Variants in RBFOX1 observed in about 807,000 individuals in gnomAD.
RBFOX1 encodes the protein RNA binding fox-1 homolog 1.
In RBFOX1, 8 loss-of-function variants were observed where a neutral mutation model predicts 57.7. That is an observed-to-expected ratio of 0.14 (90% CI 0.08 to 0.25). RBFOX1 has a LOEUF of 0.25. RBFOX1 is among the 10% of genes least tolerant of loss of function. The pLI is 1.00. For missense variants in RBFOX1, 611 were observed against 548.5 expected (o/e 1.11, Z -1.14); for synonymous variants, 326 against 222.4 (o/e 1.47, Z -4.15).
At chr16:7,248,061 A>G (rs973347358) in intron 4 of RBFOX1, among the ~76,000 whole-genome samples, 3 of 152,244 alleles carry the variant, frequency 2.0e-5, no homozygotes, top group Non-Finnish European at 2.9e-5. Context: ...CCTTAAAAAA[A>G]TAGAATATGG....
intron 13 of RBFOX1, chr16:7,671,463 T>C: frequency 2.4e-6 from 3 of 1,230,372 alleles, no homozygotes; most frequent in Non-Finnish European, 3.5e-6. Flanking sequence ...AGCAAACTTG[T>C]AAATGAATTG....
At chr16:5,471,091 C>T (rs1385318747) in intron 2 of RBFOX1, among the ~76,000 whole-genome samples, 1 of 152,134 alleles carries the variant, frequency 6.6e-6, no homozygotes, top group Non-Finnish European at 1.5e-5. Context: ...GCCTCGGTCT[C>T]CCAAAGTGCT....
chr16:7,647,434 C>T (rs1417494003), intron 11 of RBFOX1, among the ~76,000 whole-genome samples: 1 of 151,900 alleles, frequency 6.6e-6, no homozygotes, highest in Non-Finnish European at 1.5e-5. Context: ...TTCTTGTTTC[C>T]CTCATGCCAA....
intron 1 of RBFOX1, among the ~76,000 whole-genome samples, chr16:5,350,633 A>C (rs937867481): frequency 2.6e-5 from 4 of 152,320 alleles, no homozygotes; most frequent in Non-Finnish European, 5.9e-5. Flanking sequence ...TGGGAGGCCA[A>C]AGCGGGCGGA....
At chr16:6,254,459 G>A (rs1345838500) in intron 1 of RBFOX1, among the ~76,000 whole-genome samples, 1 of 152,178 alleles carries the variant, frequency 6.6e-6, no homozygotes, top group Non-Finnish European at 1.5e-5. Flanking sequence ...CAAAGGCAGA[G>A]TAGCAGAGTG....
chr16:7,558,136 T>C (rs1307807913), intron 5 of RBFOX1, among the ~76,000 whole-genome samples: 4 of 152,088 alleles, frequency 2.6e-5, no homozygotes, highest in Non-Finnish European at 4.4e-5. Context: ...GGTAGATCAC[T>C]GGAACCCAGG....
At chr16:5,913,692 A>T (rs994432289) in intron 4 of RBFOX1, among the ~76,000 whole-genome samples, 1 of 152,232 alleles carries the variant, frequency 6.6e-6, no homozygotes, top group Non-Finnish European at 1.5e-5. Flanking sequence ...ACAGGCTAAC[A>T]CAGGTGTATC....
intron 3 of RBFOX1, among the ~76,000 whole-genome samples, chr16:6,849,611 G>A (rs1170666570): frequency 6.6e-6 from 1 of 152,208 alleles, no homozygotes; most frequent in Admixed American, 6.5e-5. Flanking sequence ...GGAGGTTTCA[G>A]TGAGCTGAGA....
chr16:6,713,262 G>A (rs553853541), intron 3 of RBFOX1, among the ~76,000 whole-genome samples: 1 of 69,462 alleles, frequency 1.4e-5, no homozygotes, highest in South Asian at 4.3e-4. Context: ...TATCATACCT[G>A]GGTTTTTGTT....
chr16:6,722,120 G>A (rs574299110), intron 3 of RBFOX1, among the ~76,000 whole-genome samples: 17 of 152,192 alleles, frequency 1.1e-4, no homozygotes, highest in South Asian at 4.1e-4. Flanking sequence ...CGGTTGCACA[G>A]ATATCTCTCT....
chr16:5,794,203 G>C (rs963090211), intron 3 of RBFOX1, among the ~76,000 whole-genome samples: 3 of 152,116 alleles, frequency 2.0e-5, no homozygotes, highest in African/African-American at 7.2e-5. Context: ...ACTGAGCATT[G>C]CATGGAAACG....
chr16:6,652,339 T>C (rs2154084938), intron 2 of RBFOX1, among the ~76,000 whole-genome samples: 1 of 152,090 alleles, frequency 6.6e-6, no homozygotes, highest in African/African-American at 2.4e-5. Context: ...TCCCAGCTAC[T>C]CGGGAGGCTG....
intron 2 of RBFOX1, among the ~76,000 whole-genome samples, chr16:5,494,267 C>T (rs773869406): frequency 1.3e-5 from 2 of 152,200 alleles, no homozygotes; most frequent in Non-Finnish European, 2.9e-5. Flanking sequence ...TCTAGACATT[C>T]GGATTCCAGT....
At chr16:6,636,774 A>AT (rs1567981257) in intron 2 of RBFOX1, among the ~76,000 whole-genome samples, 2 of 9,044 alleles carry the variant, frequency 2.2e-4, no homozygotes, top group Non-Finnish European at 2.6e-3. Flanking sequence ...TATAATATAT[A>AT]ATATATATAA....
At chr16:6,464,086 G>C (rs2094984199) in intron 2 of RBFOX1, among the ~76,000 whole-genome samples, 1 of 152,130 alleles carries the variant, frequency 6.6e-6, no homozygotes, top group Non-Finnish European at 1.5e-5. Flanking sequence ...TATCCCACTG[G>C]GATGAAGGCA....
At position 6,854,842 on chromosome 16, in the gene RBFOX1, C is replaced by T. The variant is rs1321166033; in HGVS notation, c.-15-197215C>T. On this transcript the variant is annotated intron_variant, in intron 3 of 15. Coordinates refer to ENST00000550418, the MANE Select transcript of RBFOX1 (RefSeq NM_018723.4). The stretch of plus-strand genomic sequence containing the variant: ...ATCTCCTGACCTCGTGATCCGCCTG[C>T]CTCGGCCTCCCAAAGTGCTGGGATT... Among the ~76,000 whole-genome samples the T allele has an allele frequency of 2.6e-5, 4 of 152,154 alleles. No homozygotes were observed. The East Asian group carries it at 7.8e-4, about 30-fold the overall frequency.
At chr16:6,297,950 C>G (rs1395761982) in intron 1 of RBFOX1, among the ~76,000 whole-genome samples, 3 of 152,230 alleles carry the variant, frequency 2.0e-5, no homozygotes, top group Non-Finnish European at 2.9e-5. Context: ...CCTGCATTCA[C>G]TATCCTTCAA....
chr16:6,860,532 C>G (rs758167060), intron 3 of RBFOX1, among the ~76,000 whole-genome samples: 1 of 152,164 alleles, frequency 6.6e-6, no homozygotes, highest in Admixed American at 6.6e-5. Context: ...ATTCAAGATG[C>G]ATGTAGTTTT....
chr16:7,030,140 A>T (rs1421001588), intron 3 of RBFOX1, among the ~76,000 whole-genome samples: 1 of 152,158 alleles, frequency 6.6e-6, no homozygotes, highest in Admixed American at 6.5e-5. Context: ...GGTGGTTTTA[A>T]TTGTAGTGAT....
Sources: gnomAD v4.1 joint callset for allele counts (sites outside exome capture counted in the v4.1 genomes callset) on GRCh38, gnomAD v4.1.1 for gene constraint, MANE v1.5 for transcripts, NCBI Gene and HGNC (gene_info 2026-07-23, HGNC 2026-07-21) for gene names.